Variants in MSR1 observed in about 807,000 individuals in gnomAD.
MSR1 encodes macrophage scavenger receptor 1, also known as macrophage scavenger receptor types I and II.
Under a neutral mutation model 47.2 loss-of-function variants are expected in MSR1, and 53 were observed. The ratio of observed to expected loss-of-function variants is 1.12; its 90% CI spans 0.90 to 1.41. The LOEUF is 1.41. MSR1 is among the 40% of genes most tolerant of loss of function. The pLI is 0.00. For synonymous variants in MSR1, 239 were observed against 185.6 expected, an observed-to-expected ratio of 1.29 and a Z score of -2.34; for missense variants, 786 against 546.9, an observed-to-expected ratio of 1.44 and a Z score of -4.36.
chr8:16,120,976 G>C (rs1007602667), intron 8 of MSR1: 2 of 312,336 alleles, frequency 6.4e-6, no homozygotes, highest in African/African-American at 4.4e-5. Context: ...TTATTTTCTT[G>C]ACATACAAAC....
intron 8 of MSR1, among the ~76,000 whole-genome samples, chr8:16,124,002 TAC>T (rs1305017615): frequency 1.3e-5 from 2 of 152,198 alleles, no homozygotes; most frequent in South Asian, 2.1e-4. Context: ...GTTTATATTT[TAC>T]AGTTTCTTTC....
chr8:16,127,899 A>G (rs1800165026), intron 8 of MSR1, among the ~76,000 whole-genome samples: 1 of 152,154 alleles, frequency 6.6e-6, no homozygotes, highest in Non-Finnish European at 1.5e-5. Flanking sequence ...ATTAGAAGTG[A>G]TTGCCCAGGT....
chr8:16,168,017 C>T (rs987160516), intron 4 of MSR1, among the ~76,000 whole-genome samples: 2 of 152,030 alleles, frequency 1.3e-5, no homozygotes, highest in African/African-American at 4.8e-5. Context: ...TCTTCTGACA[C>T]CTTAAGGTGA....
At chr8:16,153,832 T>A (rs1252304092) in intron 6 of MSR1, among the ~76,000 whole-genome samples, 2 of 151,976 alleles carry the variant, frequency 1.3e-5, no homozygotes, top group Non-Finnish European at 2.9e-5. Context: ...TACTGGTTAT[T>A]TCCTCTGCTT....
chr8:16,176,159 CT>C (rs1303624170), intron 2 of MSR1, among the ~76,000 whole-genome samples: 1 of 152,176 alleles, frequency 6.6e-6, no homozygotes, highest in East Asian at 1.9e-4. Context: ...TAAAAACAAA[CT>C]TTTTTATTTT....
chr8:16,112,415 C>A (rs1311018891), intron 9 of MSR1, among the ~76,000 whole-genome samples: 4 of 152,050 alleles, frequency 2.6e-5, no homozygotes, highest in East Asian at 3.9e-4. Context: ...CATGATGACA[C>A]TTAAAGCTTA....
chr8:16,177,245 C>T (rs188487885), intron 2 of MSR1, among the ~76,000 whole-genome samples: 2 of 152,102 alleles, frequency 1.3e-5, no homozygotes, highest in African/African-American at 4.8e-5. Context: ...GAGATGTAAT[C>T]AAGTTAAAAT....
In MSR1 at chr8:16,191,010, C is replaced by T. The variant is rs966011320; in HGVS notation, c.-5+1588G>A. Among the ~76,000 whole-genome samples, 6 of 152,150 alleles carry T rather than the reference C, an allele frequency of 3.9e-5. No individual in the cohort carries two copies. In the East Asian group the frequency reaches 9.6e-4, roughly 24 times the overall value. ...TGCTGGGATTACAGGCGTGAGCCACCGTGCCCGGCCCATCATATTCTTAAG... is the reference window on the plus strand; with the variant it reads ...TGCTGGGATTACAGGCGTGAGCCACTGTGCCCGGCCCATCATATTCTTAAG... On this transcript the variant is annotated intron_variant, in intron 1 of 9. Coordinates refer to ENST00000262101, the MANE Select transcript of MSR1 (RefSeq NM_138715.3).
chr8:16,178,210 G>A (rs1012537773), intron 1 of MSR1, among the ~76,000 whole-genome samples: 3 of 151,018 alleles, frequency 2.0e-5, no homozygotes, highest in Admixed American at 6.6e-5. Context: ...CCACAAACTC[G>A]TCATCTAACA....
intron 6 of MSR1, 57 bp from the exon 7 acceptor site, chr8:16,150,368 G>T (rs1215860150): frequency 2.0e-6 from 2 of 989,974 alleles, no homozygotes; most frequent in Admixed American, 2.3e-5. Context: ...ACAGACTTGA[G>T]AGTATAATGA....
intron 9 of MSR1, among the ~76,000 whole-genome samples, chr8:16,120,107 G>A (rs904636826): frequency 6.6e-6 from 1 of 151,908 alleles, no homozygotes; most frequent in Non-Finnish European, 1.5e-5. Flanking sequence ...GCCAAGCGCG[G>A]TGGCTCTCGC....
intron 1 of MSR1, among the ~76,000 whole-genome samples, chr8:16,188,276 C>T (rs1052645324): frequency 3.3e-5 from 5 of 151,920 alleles, no homozygotes; most frequent in African/African-American, 1.2e-4. Flanking sequence ...TATTATAAAA[C>T]ATTTTAATAA....
chr8:16,191,704 C>A (rs897383877), intron 1 of MSR1, among the ~76,000 whole-genome samples: 1 of 152,106 alleles, frequency 6.6e-6, no homozygotes, highest in Non-Finnish European at 1.5e-5. Flanking sequence ...AAGATTAGCT[C>A]TTACCCACTG....
At chr8:16,140,356 T>C in intron 8 of MSR1, 5 of 985,388 alleles carry the variant, frequency 5.1e-6, no homozygotes, top group Non-Finnish European at 6.0e-6. Flanking sequence ...GAGACCAGTA[T>C]TCATTGAAGA....
intron 8 of MSR1, chr8:16,139,428 G>C: frequency 1.8e-5 from 17 of 952,524 alleles, no homozygotes; most frequent in Non-Finnish European, 2.1e-5. Flanking sequence ...CATTATACAA[G>C]AGTGGGAATA....
At chr8:16,120,738 T>G in intron 8 of MSR1, 132 bp from the exon 9 acceptor site, 1 of 1,114,570 alleles carries the variant, frequency 9.0e-7, no homozygotes, top group Non-Finnish European at 1.2e-6. Context: ...CTTCAACTAT[T>G]GGAATAAATA....
At chr8:16,169,570 C>A (rs1228112113) in intron 3 of MSR1, among the ~76,000 whole-genome samples, 1 of 151,924 alleles carries the variant, frequency 6.6e-6, no homozygotes, top group Non-Finnish European at 1.5e-5. Context: ...TATGGAAAAA[C>A]AATTTACCAT....
At position 16,141,823 on chromosome 8, in the gene MSR1, TA is replaced by T. The variant is rs113186326; in HGVS notation, c.1033+1734del. Among the ~76,000 whole-genome samples, 339 of 147,166 alleles carry T rather than the reference TA, an allele frequency of 2.3e-3. 2 individuals carry two copies. Among genetic ancestry groups the T allele is most frequent in the African/African-American group, 6.6e-3 (267 of 40,234 alleles). Reference sequence around the variant, plus strand: ...TGGGGTGCTGTTTGCAGTGTAAAAATAAAAAAAAAATAGTTTCTTATTTGCA... The same window carrying T: ...TGGGGTGCTGTTTGCAGTGTAAAAATAAAAAAAAATAGTTTCTTATTTGCA... On this transcript the variant is annotated intron_variant, in intron 8 of 9. Coordinates refer to ENST00000262101, the MANE Select transcript of MSR1 (RefSeq NM_138715.3).
chr8:16,119,890 T>A (rs1434614157), intron 9 of MSR1, among the ~76,000 whole-genome samples: 17 of 144,828 alleles, frequency 1.2e-4, no homozygotes, highest in African/African-American at 3.9e-4. Flanking sequence ...TTTTTTTTTT[T>A]TAATTGGTAG....
Sources: gnomAD v4.1 joint callset for allele counts (sites outside exome capture counted in the v4.1 genomes callset) on GRCh38, gnomAD v4.1.1 for gene constraint, MANE v1.5 for transcripts, NCBI Gene and HGNC (gene_info 2026-07-23, HGNC 2026-07-21) for gene names.